Variants in PLCH1 observed in about 807,000 individuals in gnomAD.
PLCH1 encodes the protein 1-phosphatidylinositol 4,5-bisphosphate phosphodiesterase eta-1.
PLCH1 carries 60 observed loss-of-function variants against 126.7 expected under a neutral mutation model. The ratio of observed to expected loss-of-function variants is 0.47; its 90% confidence interval spans 0.38 to 0.59. The LOEUF is 0.59. PLCH1 is among the 20% of genes least tolerant of loss of function. The probability of loss-of-function intolerance (pLI) is 0.00; values close to 1 mark genes in which losing one functional copy is unlikely to be tolerated. For missense variants in PLCH1, 1,723 were observed against 2,040.0 expected (o/e 0.84, Z 2.99); for synonymous variants, 719 against 734.9 (o/e 0.98, Z 0.35).
chr3:155,584,789 A>T (rs903795289), intron 5 of PLCH1, among the ~76,000 whole-genome samples: 1 of 152,126 alleles, frequency 6.6e-6, no homozygotes, highest in Non-Finnish European at 1.5e-5. Context: ...ATGCTTCCAA[A>T]TTTTACTTTC....
intron 10 of PLCH1, among the ~76,000 whole-genome samples, chr3:155,544,121 T>G (rs1231819603): frequency 1.3e-5 from 2 of 152,026 alleles, no homozygotes; most frequent in South Asian, 2.1e-4. Flanking sequence ...GACCCATCAG[T>G]GTGCTGTATT....
At chr3:155,715,030 GCTTT>G (rs201921892) in intron 1 of PLCH1, among the ~76,000 whole-genome samples, 2,580 of 152,040 alleles carry the variant, frequency 0.017, 71 homozygotes, top group African/African-American at 0.059. Context: ...CATTATTCAG[GCTTT>G]CTATTTTTTC....
At chr3:155,599,142 G>T (rs1400861343) in intron 2 of PLCH1, among the ~76,000 whole-genome samples, 1 of 151,848 alleles carries the variant, frequency 6.6e-6, no homozygotes, top group Non-Finnish European at 1.5e-5. Flanking sequence ...ATCCAGCATT[G>T]TGAGTAATAA....
At chr3:155,569,369 A>G (rs1728917348) in intron 6 of PLCH1, among the ~76,000 whole-genome samples, 1 of 152,186 alleles carries the variant, frequency 6.6e-6, no homozygotes, top group African/African-American at 2.4e-5. Context: ...AATAAAATCT[A>G]GTTTTTCTAA....
chr3:155,636,382 A>T (rs990111836), intron 2 of PLCH1, among the ~76,000 whole-genome samples: 1 of 152,176 alleles, frequency 6.6e-6, no homozygotes, highest in African/African-American at 2.4e-5. Context: ...TTAAATCAAG[A>T]TATCATTTTG....
chr3:155,451,517 C>T (rs1004137205), intron 21 of PLCH1, among the ~76,000 whole-genome samples: 1 of 152,160 alleles, frequency 6.6e-6, no homozygotes, highest in African/African-American at 2.4e-5. Flanking sequence ...TTTAGCTAAA[C>T]ATTACTTATG....
intron 6 of PLCH1, among the ~76,000 whole-genome samples, chr3:155,577,645 A>G (rs773440298): frequency 3.9e-5 from 6 of 152,226 alleles, no homozygotes; most frequent in Non-Finnish European, 8.8e-5. Context: ...AAGCTAATTT[A>G]GAAAATTAAA....
At chr3:155,688,864 C>T (rs1745157025) in intron 2 of PLCH1, among the ~76,000 whole-genome samples, 3 of 152,226 alleles carry the variant, frequency 2.0e-5, no homozygotes, top group Non-Finnish European at 4.4e-5. Flanking sequence ...GCCTGAGTGC[C>T]AGCTTAGCCG....
At chr3:155,483,797 C>T (rs1015550525) in intron 22 of PLCH1, among the ~76,000 whole-genome samples, 1 of 152,080 alleles carries the variant, frequency 6.6e-6, no homozygotes, top group Non-Finnish European at 1.5e-5. Context: ...ACACAATTCA[C>T]AGTAATTTGG....
At chr3:155,744,450 G>T (rs981922785) in intron 1 of PLCH1, among the ~76,000 whole-genome samples, 2 of 152,202 alleles carry the variant, frequency 1.3e-5, no homozygotes, top group African/African-American at 4.8e-5. Context: ...CTGCTCTCCT[G>T]GCGGCGTCTG....
intron 2 of PLCH1, among the ~76,000 whole-genome samples, chr3:155,679,980 C>T (rs16825256): frequency 0.18 from 27,286 of 151,974 alleles, 3,339 homozygotes; most frequent in African/African-American, 0.35. Context: ...GGCCTGATAT[C>T]GAAATTCCTC....
At chr3:155,531,441 A>G (rs563768402) in intron 10 of PLCH1, among the ~76,000 whole-genome samples, 32 of 152,328 alleles carry the variant, frequency 2.1e-4, no homozygotes, top group African/African-American at 5.8e-4. Context: ...CCTGGCCAAC[A>G]TGATGAAACC....
At chr3:155,566,110 T>C (rs1007515701) in intron 7 of PLCH1, among the ~76,000 whole-genome samples, 2 of 141,672 alleles carry the variant, frequency 1.4e-5, no homozygotes, top group East Asian at 2.0e-4. Flanking sequence ...AATATATATA[T>C]ACATATATAT....
rs139831324 is a variant in PLCH1, at chr3:155,454,469, C to A, written c.2938+30887G>T. ...CTCCACTCCAACCTGAGTGACAGAA[C>A]AAGACCCCATCTTAAATAAATAAAT... is the stretch of plus-strand genomic sequence containing the variant. On this transcript the variant is annotated intron_variant, in intron 21 of 21. Coordinates refer to the PLCH1 transcript ENST00000494598. Among the ~76,000 whole-genome samples, 48 of 151,922 alleles carry A rather than the reference C, an allele frequency of 3.2e-4. No individual in the cohort carries two copies. In the East Asian group the frequency reaches 9.3e-3, roughly 29 times the overall value.
At chr3:155,520,003 A>G (rs2108273040) in intron 11 of PLCH1, among the ~76,000 whole-genome samples, 1 of 152,200 alleles carries the variant, frequency 6.6e-6, no homozygotes, top group East Asian at 1.9e-4. Context: ...GTCCTCTACC[A>G]TCTCCTGCCT....
intron 2 of PLCH1, among the ~76,000 whole-genome samples, chr3:155,660,033 T>C (rs1741947463): frequency 6.6e-6 from 1 of 152,206 alleles, no homozygotes; most frequent in Non-Finnish European, 1.5e-5. Flanking sequence ...TGCTATGTTA[T>C]ATGTTAACTT....
At position 155,497,321 on chromosome 3, in the gene PLCH1, G is replaced by A. The variant is rs539311989; in HGVS notation, c.1893C>T (p.Asp631=). Residue 631 remains aspartate (D), a splice_region_variant and synonymous_variant, in exon 15 of 23, where the codon GAC becomes GAT. Coordinates refer to ENST00000460012, the MANE Select transcript of PLCH1 (RefSeq NM_014996.4). ...AATGAGAAAACTCTCCATCCTTACC[G>A]TCATCCACAATGTCCTGAGCGGCCA... ...NSVAAQDIVD[D]GTTGNVLSFS... is the part of the protein sequence containing the mutation. The A allele has an allele frequency of 4.3e-5, 68 of 1,589,416 alleles. 1 individual carries two copies. In the South Asian group the frequency reaches 4.6e-4, roughly 11 times the overall value.
intron 4 of PLCH1, among the ~76,000 whole-genome samples, chr3:155,593,168 G>C (rs756621644): frequency 2.4e-4 from 37 of 152,220 alleles, no homozygotes; most frequent in Admixed American, 4.6e-4. Context: ...CCATTCAAAA[G>C]GTGAAGAAGG....
chr3:155,705,474 T>A (rs1746593392), intron 1 of PLCH1, among the ~76,000 whole-genome samples: 1 of 152,158 alleles, frequency 6.6e-6, no homozygotes, highest in East Asian at 1.9e-4. Context: ...TACTACTGTA[T>A]GGAACTGACT....
Sources: gnomAD v4.1 joint callset for allele counts (sites outside exome capture counted in the v4.1 genomes callset) on GRCh38, gnomAD v4.1.1 for gene constraint, MANE v1.5 for transcripts, NCBI Gene and HGNC (gene_info 2026-07-23, HGNC 2026-07-21) for gene names.